FCF1: variants seen among roughly 807,000 people sequenced by gnomAD.
FCF1 encodes the protein FCF1 rRNA-processing protein.
FCF1 carries 17 observed loss-of-function variants against 32.5 expected under a neutral mutation model. That is an observed-to-expected ratio of 0.52 (90% confidence interval 0.36 to 0.78). The LOEUF is 0.78. Ranked by LOEUF, FCF1 falls within the 30% of genes least tolerant of loss-of-function variation. FCF1 has a pLI of 0.00. For missense variants in FCF1, 201 were observed against 241.1 expected (o/e 0.83, Z 1.10); for synonymous variants, 84 against 78.4 (o/e 1.07, Z -0.38).
intron 4 of FCF1, among the ~76,000 whole-genome samples, chr14:74,718,476 A>AATAT (rs369083022): frequency 1.3e-5 from 2 of 151,210 alleles, no homozygotes; most frequent in African/African-American, 4.9e-5. Flanking sequence ...TCAGTATTAA[A>AATAT]ATATATATAT....
At chr14:74,733,982 G>C in intron 6 of FCF1, 94 bp from the exon 7 acceptor site, 1 of 796,356 alleles carries the variant, frequency 1.3e-6, no homozygotes, top group Non-Finnish European at 2.2e-6. Context: ...GAAAATGAAC[G>C]ATTCTCAGAC....
At position 74,737,337 on chromosome 14, in the gene FCF1, AG is replaced by A. The variant is rs1374271472; in HGVS notation, c.*2408del. ...GCCACTGCACTCCAGCCTGGGCGAC[AG>A]AGTGAAACTCTGTCTCAAAAACAAA... is the stretch of plus-strand genomic sequence containing the variant. On this transcript the variant is annotated 3_prime_UTR_variant, in exon 8 of 8. Coordinates refer to ENST00000341162, the MANE Select transcript of FCF1 (RefSeq NM_015962.5). 1 of 152,238 alleles carries A rather than the reference AG, an allele frequency of 6.6e-6. No homozygotes were observed. The highest frequency in any genetic ancestry group is 1.5e-5 in the Non-Finnish European group (1 of 68,080). The allele number at this position is 152,238 out of a possible 1,614,324, so 9.4% of individuals were successfully genotyped here.
At chr14:74,717,504 T>C (rs1179186420) in intron 4 of FCF1, among the ~76,000 whole-genome samples, 1 of 152,224 alleles carries the variant, frequency 6.6e-6, no homozygotes, top group Non-Finnish European at 1.5e-5. Context: ...CAGGGGACCA[T>C]TGTTTTTTCA....
chr14:74,721,713 T>C (rs2090506248), intron 4 of FCF1, among the ~76,000 whole-genome samples: 1 of 152,190 alleles, frequency 6.6e-6, no homozygotes, highest in South Asian at 2.1e-4. Context: ...AGTTACATAC[T>C]ATAATTGCTT....
At chr14:74,723,720 T>C (rs1338819107) in intron 5 of FCF1, among the ~76,000 whole-genome samples, 1 of 150,984 alleles carries the variant, frequency 6.6e-6, no homozygotes, top group Admixed American at 6.6e-5. Flanking sequence ...CCCAGCTACT[T>C]GGGAGGCTTA....
chr14:74,718,632 C>A (rs899104619), intron 4 of FCF1, among the ~76,000 whole-genome samples: 1 of 151,666 alleles, frequency 6.6e-6, no homozygotes, highest in Non-Finnish European at 1.5e-5. Context: ...TGCTGCCACT[C>A]CCAGCTAATT....
chr14:74,734,342 A>T (rs1401336411), intron 7 of FCF1, among the ~76,000 whole-genome samples, 172 bp downstream of exon 7: 2 of 149,554 alleles, frequency 1.3e-5, no homozygotes, highest in African/African-American at 4.9e-5. Flanking sequence ...AGAGAGAGAT[A>T]GGATTTAAGG....
At chr14:74,732,917 A>G in intron 6 of FCF1, 99 bp downstream of exon 6, 1 of 695,066 alleles carries the variant, frequency 1.4e-6, no homozygotes, top group Non-Finnish European at 2.4e-6. Flanking sequence ...CTAGGAATAT[A>G]CATTATGGTT....
intron 5 of FCF1, among the ~76,000 whole-genome samples, chr14:74,732,245 T>C (rs564745047): frequency 6.6e-6 from 1 of 152,254 alleles, no homozygotes; most frequent in African/African-American, 2.4e-5. Context: ...CTACCTCACT[T>C]TTTATTAATA....
In FCF1 at chr14:74,734,066, T is replaced by G; in HGVS notation, c.454-10T>G. 1 of 1,598,756 alleles carries G rather than the reference T, an allele frequency of 6.3e-7. No homozygotes were observed. On this transcript the variant is annotated splice_polypyrimidine_tract_variant and intron_variant, in intron 6 of 7. Coordinates refer to ENST00000341162, the MANE Select transcript of FCF1 (RefSeq NM_015962.5). ...ACCTCAGTGTGAACATCACTCCATG[T>G]CTCTTACAGCATAAGTGTTACATTG...
At chr14:74,729,883 G>T (rs2090612262) in intron 5 of FCF1, among the ~76,000 whole-genome samples, 1 of 152,160 alleles carries the variant, frequency 6.6e-6, no homozygotes, top group Non-Finnish European at 1.5e-5. Flanking sequence ...TCAGGAGCAG[G>T]TTGTTCAGTT....
At chr14:74,734,043 C>T (rs760186213) in intron 6 of FCF1, 33 bp from the exon 7 acceptor site, 1 of 1,438,504 alleles carries the variant, frequency 7.0e-7, no homozygotes, top group Non-Finnish European at 9.8e-7. Context: ...GCTCAGTGAC[C>T]TCAGTGTGAA....
chr14:74,716,432 T>C (rs2090421397), intron 4 of FCF1, among the ~76,000 whole-genome samples: 1 of 152,236 alleles, frequency 6.6e-6, no homozygotes, highest in African/African-American at 2.4e-5. Flanking sequence ...TCTATATTCT[T>C]TTATGTTAAC....
At chr14:74,734,857 G>C in intron 7 of FCF1, 25 bp from the exon 8 acceptor site, 1 of 1,605,228 alleles carries the variant, frequency 6.2e-7, no homozygotes, top group Non-Finnish European at 8.5e-7. Context: ...CTTTCTTACC[G>C]GTGTTGATTT....
rs765215594 is a variant in FCF1, at chr14:74,734,059, C to T, written c.454-17C>T. 6.3e-7 allele frequency: 1 copy of T among 1,579,992 alleles called. No homozygotes were observed. The highest frequency in any genetic ancestry group is 8.7e-7 in the Non-Finnish European group (1 of 1,148,984). The stretch of plus-strand genomic sequence containing the variant: ...CTCAGTGACCTCAGTGTGAACATCA[C>T]TCCATGTCTCTTACAGCATAAGTGT... On this transcript the variant is annotated splice_polypyrimidine_tract_variant and intron_variant, in intron 6 of 7. Coordinates refer to ENST00000341162, the MANE Select transcript of FCF1 (RefSeq NM_015962.5).
chr14:74,730,275 C>G (rs116250395), intron 5 of FCF1, among the ~76,000 whole-genome samples: 2,884 of 141,862 alleles, frequency 0.02, 60 homozygotes, highest in African/African-American at 0.05. Flanking sequence ...TGCAGTGATG[C>G]TATCACAGCT....
intron 7 of FCF1, 63 bp downstream of exon 7, chr14:74,734,233 A>G: frequency 1.1e-6 from 1 of 926,994 alleles, no homozygotes; most frequent in Non-Finnish European, 1.7e-6. Context: ...GAAAATGAGG[A>G]TAAGTGATAA....
At chr14:74,723,546 A>C (rs1013741759) in intron 5 of FCF1, among the ~76,000 whole-genome samples, 1 of 152,040 alleles carries the variant, frequency 6.6e-6, no homozygotes, top group African/African-American at 2.4e-5. Context: ...AATACAGAGA[A>C]TATCTTGTCC....
intron 7 of FCF1, 43 bp from the exon 8 acceptor site, chr14:74,734,839 C>T (rs755551194): frequency 6.9e-7 from 1 of 1,455,662 alleles, no homozygotes. Flanking sequence ...GATGGGTTCT[C>T]TTCCCATCTT....
Sources: gnomAD v4.1 joint callset for allele counts (sites outside exome capture counted in the v4.1 genomes callset) on GRCh38, gnomAD v4.1.1 for gene constraint, MANE v1.5 for transcripts, NCBI Gene and HGNC (gene_info 2026-07-23, HGNC 2026-07-21) for gene names.